The following ARL15 variants were observed in gnomAD, a reference collection of about 807,000 sequenced individuals.
ARL15 encodes ADP-ribosylation factor-like protein 15.
Under a neutral mutation model 25.2 loss-of-function variants are expected in ARL15, and 19 were observed. The ratio of observed to expected loss-of-function variants is 0.75; its 90% CI spans 0.53 to 1.10. The LOEUF is 1.10. ARL15 is among the 50% of genes least tolerant of loss of function. The probability of loss-of-function intolerance (pLI) is 0.00; values close to 1 mark genes in which losing one functional copy is unlikely to be tolerated. For missense variants in ARL15, 220 were observed against 246.0 expected (o/e 0.89, Z 0.71); for synonymous variants, 94 against 86.8 (o/e 1.08, Z -0.46).
At chr5:54,163,391 T>TTTTTA (rs1754478617) in intron 2 of ARL15, among the ~76,000 whole-genome samples, 1 of 122,174 alleles carries the variant, frequency 8.2e-6, no homozygotes, top group Non-Finnish European at 1.7e-5. Context: ...TTTTTTTTTT[T>TTTTTA]TTTGTAATGT....
chr5:53,909,408 T>C (rs948979888), intron 4 of ARL15, among the ~76,000 whole-genome samples: 1 of 152,140 alleles, frequency 6.6e-6, no homozygotes, highest in Non-Finnish European at 1.5e-5. Context: ...AAAAAACTAA[T>C]AAAATAAAAA....
intron 1 of ARL15, among the ~76,000 whole-genome samples, chr5:54,261,563 A>G (rs1016446504): frequency 3.9e-5 from 6 of 152,128 alleles, no homozygotes; most frequent in South Asian, 2.1e-4. Context: ...CAAAAAAAAA[A>G]AGAGAGAACT....
At chr5:54,197,979 G>T (rs1372692186) in intron 1 of ARL15, among the ~76,000 whole-genome samples, 1 of 151,774 alleles carries the variant, frequency 6.6e-6, no homozygotes, top group Non-Finnish European at 1.5e-5. Flanking sequence ...TGGGATGCAA[G>T]GCTGGTTCAA....
chr5:54,164,849 C>T (rs1006550808), intron 2 of ARL15, among the ~76,000 whole-genome samples: 1 of 151,856 alleles, frequency 6.6e-6, no homozygotes, highest in African/African-American at 2.4e-5. Flanking sequence ...GAGTCTAGAT[C>T]ATTTATATTT....
chr5:53,944,146 A>G (rs1653678920), intron 4 of ARL15, among the ~76,000 whole-genome samples: 1 of 152,200 alleles, frequency 6.6e-6, no homozygotes, highest in African/African-American at 2.4e-5. Context: ...ACAGAGCCAA[A>G]AACACAACAG....
At chr5:54,165,091 A>G (rs528975035) in intron 2 of ARL15, among the ~76,000 whole-genome samples, 1 of 152,084 alleles carries the variant, frequency 6.6e-6, no homozygotes, top group East Asian at 1.9e-4. Context: ...TTCAAGTGTT[A>G]TTATACGACT....
intron 1 of ARL15, among the ~76,000 whole-genome samples, chr5:54,195,937 C>G (rs1755536574): frequency 1.3e-5 from 2 of 152,062 alleles, no homozygotes; most frequent in Non-Finnish European, 2.9e-5. Flanking sequence ...TTTCAGTGCT[C>G]CCCTTCCAAA....
chr5:53,924,218 T>A (rs1561151592), intron 4 of ARL15, among the ~76,000 whole-genome samples: 1 of 152,240 alleles, frequency 6.6e-6, no homozygotes, highest in Non-Finnish European at 1.5e-5. Flanking sequence ...AAGTTGCCAT[T>A]ACGTCTCCTT....
At chr5:54,135,614 T>C (rs574256881) in intron 3 of ARL15, among the ~76,000 whole-genome samples, 1 of 152,326 alleles carries the variant, frequency 6.6e-6, no homozygotes, top group South Asian at 2.1e-4. Context: ...TAGTAAATTA[T>C]AATGAATGAT....
chr5:54,238,815 G>T (rs1375089213), intron 1 of ARL15, among the ~76,000 whole-genome samples: 1 of 152,196 alleles, frequency 6.6e-6, no homozygotes, highest in East Asian at 1.9e-4. Flanking sequence ...GCTTGACTCA[G>T]GGTAGACTGA....
chr5:54,152,134 C>T (rs990096947), intron 3 of ARL15, among the ~76,000 whole-genome samples: 8 of 152,132 alleles, frequency 5.3e-5, no homozygotes, highest in African/African-American at 1.9e-4. Context: ...CTGAGCAACC[C>T]TCCACTGGTG....
At chr5:54,214,075 G>C (rs1055640691) in intron 1 of ARL15, among the ~76,000 whole-genome samples, 4 of 151,800 alleles carry the variant, frequency 2.6e-5, no homozygotes, top group African/African-American at 9.7e-5. Context: ...AAAAAAGAAA[G>C]GAAGGAAAGG....
At chr5:54,290,498 G>A (rs1013452610) in intron 1 of ARL15, among the ~76,000 whole-genome samples, 1 of 151,864 alleles carries the variant, frequency 6.6e-6, no homozygotes, top group African/African-American at 2.4e-5. Flanking sequence ...AGTAGAGACG[G>A]GGTTTCACCA....
chr5:53,978,622 C>CA (rs147288475), intron 4 of ARL15, among the ~76,000 whole-genome samples: 2,372 of 74,482 alleles, frequency 0.032, 155 homozygotes, highest in African/African-American at 0.1. Flanking sequence ...CCTGTCTCTA[C>CA]AAAAAAAAAA....
chr5:53,905,804 T>G (rs933109560), intron 4 of ARL15, among the ~76,000 whole-genome samples: 1 of 152,360 alleles, frequency 6.6e-6, no homozygotes, highest in South Asian at 2.1e-4. Context: ...TATTTTTAAC[T>G]AGAAGGTAAG....
intron 4 of ARL15, among the ~76,000 whole-genome samples, chr5:54,021,011 T>C (rs1259181767): frequency 6.6e-6 from 1 of 150,946 alleles, no homozygotes; most frequent in African/African-American, 2.4e-5. Flanking sequence ...TATCAGAATT[T>C]TCTGACAAGG....
At chr5:53,894,793 T>C (rs1232575214) in intron 4 of ARL15, among the ~76,000 whole-genome samples, 3 of 152,124 alleles carry the variant, frequency 2.0e-5, no homozygotes, top group Admixed American at 2.0e-4. Flanking sequence ...CTATAAATAC[T>C]CTCTCATCTT....
chr5:54,083,633 T>C (rs1751872615), intron 4 of ARL15, among the ~76,000 whole-genome samples: 1 of 152,186 alleles, frequency 6.6e-6, no homozygotes, highest in South Asian at 2.1e-4. Flanking sequence ...ATACATTAAC[T>C]ATATTATCAG....
chr5:54,100,358 T>A (rs1408191558), intron 4 of ARL15, among the ~76,000 whole-genome samples: 2 of 152,112 alleles, frequency 1.3e-5, no homozygotes, highest in Non-Finnish European at 2.9e-5. Flanking sequence ...GCAGCTTTCA[T>A]GATTTGTTTC....
Sources: allele counts gnomAD v4.1 joint callset (sites outside exome capture counted in the v4.1 genomes callset), GRCh38; gene constraint gnomAD v4.1.1; transcripts MANE v1.5; gene names NCBI Gene and HGNC (gene_info 2026-07-23, HGNC 2026-07-21).